The following PALM2AKAP2 variants were observed in gnomAD, a reference collection of about 807,000 sequenced individuals.
The protein encoded by PALM2AKAP2 is PALM2-AKAP2 fusion protein.
In PALM2AKAP2, 37 loss-of-function variants were observed where a neutral mutation model predicts 71.5. The ratio of observed to expected loss-of-function variants is 0.52; its 90% confidence interval spans 0.40 to 0.68. PALM2AKAP2 has a LOEUF of 0.68. PALM2AKAP2 is among the 30% of genes least tolerant of loss of function. The probability of loss-of-function intolerance (pLI) is 0.00; values close to 1 mark genes in which losing one functional copy is unlikely to be tolerated. For synonymous variants in PALM2AKAP2, 468 were observed against 478.8 expected, an observed-to-expected ratio of 0.98 and a Z score of 0.29; for missense variants, 1,224 against 1,191.8, an observed-to-expected ratio of 1.03 and a Z score of -0.40.
intron 1 of PALM2AKAP2, among the ~76,000 whole-genome samples, chr9:109,736,707 G>A (rs1828640733): frequency 6.6e-6 from 1 of 152,126 alleles, no homozygotes; most frequent in African/African-American, 2.4e-5. Flanking sequence ...CACGTGAATA[G>A]TGAACACTGT....
chr9:110,125,288 C>T (rs568402788), intron 1 of PALM2AKAP2, among the ~76,000 whole-genome samples: 23 of 152,298 alleles, frequency 1.5e-4, no homozygotes, highest in African/African-American at 4.1e-4. Flanking sequence ...ACCTCAACGC[C>T]GCCAGCTCCT....
At chr9:109,994,128 A>T (rs1212135615) in intron 6 of PALM2AKAP2, among the ~76,000 whole-genome samples, 1 of 152,230 alleles carries the variant, frequency 6.6e-6, no homozygotes. Context: ...GGAGGACGGG[A>T]GGAACTCCCA....
chr9:110,058,472 T>G (rs2132537097), intron 1 of PALM2AKAP2, among the ~76,000 whole-genome samples: 1 of 152,234 alleles, frequency 6.6e-6, no homozygotes, highest in East Asian at 1.9e-4. Context: ...ATTTTATTCC[T>G]AAGACTTGCC....
At chr9:109,668,617 A>G (rs1184796420) in intron 1 of PALM2AKAP2, among the ~76,000 whole-genome samples, 4 of 152,234 alleles carry the variant, frequency 2.6e-5, no homozygotes, top group African/African-American at 9.6e-5. Context: ...TCTGGGGCAC[A>G]TAGAGTCTGT....
intron 1 of PALM2AKAP2, among the ~76,000 whole-genome samples, chr9:109,646,187 T>C (rs1471628564): frequency 6.6e-6 from 1 of 152,142 alleles, no homozygotes; most frequent in Non-Finnish European, 1.5e-5. Context: ...TGTTCTTGTG[T>C]GGTACATGAA....
intron 1 of PALM2AKAP2, among the ~76,000 whole-genome samples, chr9:110,131,638 T>C (rs1042980864): frequency 6.6e-6 from 1 of 152,214 alleles, no homozygotes; most frequent in Non-Finnish European, 1.5e-5. Flanking sequence ...GCTTTGATTC[T>C]ATCAGGCCAT....
intron 1 of PALM2AKAP2, among the ~76,000 whole-genome samples, chr9:110,120,974 G>A (rs1408832788): frequency 6.6e-6 from 1 of 152,136 alleles, no homozygotes; most frequent in Non-Finnish European, 1.5e-5. Flanking sequence ...CATAGTGCAT[G>A]ACATAGCTGA....
Position 109,891,194 on chromosome 9 carries a change from C to A in PALM2AKAP2, c.257+10513C>A, listed in dbSNP as rs143069363. On this transcript the variant is annotated intron_variant, in intron 3 of 9. Transcript: ENST00000302798. ...TCAGGGCCATTGCTGGGCCACATGGCTCCTTTGTGCAATTAGAAAATGCAG... is the reference window on the plus strand; with the variant it reads ...TCAGGGCCATTGCTGGGCCACATGGATCCTTTGTGCAATTAGAAAATGCAG... 3.0e-3 allele frequency among the ~76,000 whole-genome samples: 450 copies of A among 152,296 alleles called. 3 individuals carry two copies. The highest frequency in any genetic ancestry group is 0.011 in the African/African-American group (439 of 41,556).
chr9:110,038,935 C>CAAA lies in PALM2AKAP2; in HGVS notation c.582+22911_582+22913dup, dbSNP rs71373959. On this transcript the variant is annotated intron_variant, in intron 7 of 9. Transcript: ENST00000302798. ...TGGCAACAAGAGCAAAACTCGGTCT[C>CAAA]AAAAAAAAAAAAAAAAATTATTGTC... Among the ~76,000 whole-genome samples the CAAA allele has an allele frequency of 2.1e-3, 164 of 78,370 alleles. 4 individuals carry two copies. Among genetic ancestry groups the CAAA allele is most frequent in the Non-Finnish European group, 3.3e-3 (138 of 42,088 alleles). 51.4% of individuals were successfully genotyped at this position (78,370 alleles called of 152,430 possible).
At chr9:109,797,076 T>G (rs963097047) in intron 1 of PALM2AKAP2, among the ~76,000 whole-genome samples, 1 of 152,252 alleles carries the variant, frequency 6.6e-6, no homozygotes, top group African/African-American at 2.4e-5. Context: ...CCTGCTCTGA[T>G]GGTTTCCTCC....
chr9:109,717,333 G>A (rs1485267512), intron 1 of PALM2AKAP2, among the ~76,000 whole-genome samples: 1 of 152,170 alleles, frequency 6.6e-6, no homozygotes, highest in East Asian at 1.9e-4. Flanking sequence ...GCTTTGGTCA[G>A]GCTGGCTCAG....
chr9:109,701,793 C>T (rs1387387826), intron 1 of PALM2AKAP2, among the ~76,000 whole-genome samples: 1 of 152,206 alleles, frequency 6.6e-6, no homozygotes, highest in African/African-American at 2.4e-5. Flanking sequence ...AAACTACCAT[C>T]AGAGTGAACA....
intron 1 of PALM2AKAP2, among the ~76,000 whole-genome samples, chr9:109,853,865 C>A (rs73655594): frequency 0.025 from 3,781 of 152,208 alleles, 162 homozygotes; most frequent in African/African-American, 0.083. Flanking sequence ...CTGTTTGGGG[C>A]TTGGCTTCTC....
At chr9:109,872,625 A>G (rs1829630085) in intron 2 of PALM2AKAP2, among the ~76,000 whole-genome samples, 2 of 152,246 alleles carry the variant, frequency 1.3e-5, no homozygotes, top group African/African-American at 4.8e-5. Flanking sequence ...GGAAGACCAC[A>G]GCCTTTTCTT....
chr9:109,982,635 A>G (rs1317818596), intron 6 of PALM2AKAP2, among the ~76,000 whole-genome samples: 1 of 151,916 alleles, frequency 6.6e-6, no homozygotes. Flanking sequence ...ATTTTTTTAA[A>G]GAGAGAGAGA....
intron 1 of PALM2AKAP2, among the ~76,000 whole-genome samples, chr9:109,858,949 A>G (rs1188656219): frequency 6.6e-6 from 1 of 152,218 alleles, no homozygotes; most frequent in Non-Finnish European, 1.5e-5. Flanking sequence ...CTTAAAAAAC[A>G]GACTTAAGAT....
intron 1 of PALM2AKAP2, among the ~76,000 whole-genome samples, chr9:109,723,996 A>G (rs989437451): frequency 6.6e-6 from 1 of 152,228 alleles, no homozygotes; most frequent in Non-Finnish European, 1.5e-5. Context: ...AGTCAGCTCA[A>G]TGGCTAGGTC....
At chr9:109,953,690 C>A (rs567585511) in intron 6 of PALM2AKAP2, among the ~76,000 whole-genome samples, 1 of 151,922 alleles carries the variant, frequency 6.6e-6, no homozygotes, top group Non-Finnish European at 1.5e-5. Context: ...AAAAAATTAG[C>A]TGGGCTTGGT....
chr9:109,691,401 TA>T (rs1827882502), intron 1 of PALM2AKAP2, among the ~76,000 whole-genome samples: 1 of 152,090 alleles, frequency 6.6e-6, no homozygotes, highest in African/African-American at 2.4e-5. Flanking sequence ...GAGGGGACCT[TA>T]CTTAGAAAGA....
Sources: gnomAD v4.1 joint callset for allele counts (sites outside exome capture counted in the v4.1 genomes callset) on GRCh38, gnomAD v4.1.1 for gene constraint, MANE v1.5 for transcripts, NCBI Gene and HGNC (gene_info 2026-07-23, HGNC 2026-07-21) for gene names.